KLHL3: variants seen among roughly 807,000 people sequenced by gnomAD.
KLHL3 encodes kelch-like protein 3.
KLHL3 carries 19 observed loss-of-function variants against 70.5 expected under a neutral mutation model. The observed-to-expected ratio is 0.27, with a 90% CI of 0.19 to 0.40. The LOEUF is 0.40. Among genes scored for constraint, KLHL3 ranks in the 10% least tolerant of loss-of-function variants. KLHL3 has a pLI of 1.00. For missense variants in KLHL3, 512 were observed against 771.1 expected (o/e 0.66, Z 3.98); for synonymous variants, 258 against 290.3 (o/e 0.89, Z 1.13).
At chr5:137,627,099 C>T (rs1467565672) in intron 13 of KLHL3, among the ~76,000 whole-genome samples, 2 of 151,898 alleles carry the variant, frequency 1.3e-5, no homozygotes, top group East Asian at 1.9e-4. Context: ...TCAAGTATTA[C>T]TTATAGGATA....
At chr5:137,648,566 C>G (rs1398796837) in intron 8 of KLHL3, among the ~76,000 whole-genome samples, 6 of 152,168 alleles carry the variant, frequency 3.9e-5, no homozygotes, top group Non-Finnish European at 8.8e-5. Context: ...CCATGGCAAC[C>G]CAGCCTCAGG....
chr5:137,680,377 C>G (rs1751993190), intron 5 of KLHL3, among the ~76,000 whole-genome samples: 1 of 152,086 alleles, frequency 6.6e-6, no homozygotes, highest in South Asian at 2.1e-4. Flanking sequence ...CCATAAAAGG[C>G]AATCATAATA....
chr5:137,649,316 C>T (rs544212681), intron 8 of KLHL3, among the ~76,000 whole-genome samples: 1 of 152,346 alleles, frequency 6.6e-6, no homozygotes, highest in South Asian at 2.1e-4. Flanking sequence ...AAAAACACTA[C>T]AGCTTCTGTG....
intron 8 of KLHL3, among the ~76,000 whole-genome samples, chr5:137,657,486 G>T (rs1751372555): frequency 6.6e-6 from 1 of 152,078 alleles, no homozygotes; most frequent in South Asian, 2.1e-4. Flanking sequence ...AAGACTCGCA[G>T]GGAACCAAAG....
chr5:137,661,065 T>C (rs371326890), intron 7 of KLHL3: 1 of 152,240 alleles, frequency 6.6e-6, no homozygotes, highest in African/African-American at 2.4e-5. Context: ...TAAGGTTTAT[T>C]CTCTGCTTAT....
intron 12 of KLHL3, 108 bp downstream of exon 12, chr5:137,633,929 G>A (rs1750704549): frequency 1.4e-6 from 2 of 1,408,386 alleles, no homozygotes; most frequent in African/African-American, 1.4e-5. Flanking sequence ...ATATATCCAT[G>A]TAACAAACCT....
At chr5:137,696,943 A>G (rs1752459362) in intron 4 of KLHL3, among the ~76,000 whole-genome samples, 1 of 152,180 alleles carries the variant, frequency 6.6e-6, no homozygotes, top group Non-Finnish European at 1.5e-5. Context: ...AAGGGACTCC[A>G]GGTGTAGCTC....
At chr5:137,720,314 G>T (rs1343822257) in intron 2 of KLHL3, 151 bp downstream of exon 2, 28 of 803,002 alleles carry the variant, frequency 3.5e-5, no homozygotes, top group Non-Finnish European at 4.9e-5. Flanking sequence ...AAAAAAAAAA[G>T]AGAGAAAGAA....
chr5:137,695,231 G>A (rs2967802), intron 4 of KLHL3, among the ~76,000 whole-genome samples: 120,600 of 152,166 alleles, frequency 0.79, 48,075 homozygotes, highest in East Asian at 0.98. Context: ...CTACCCACAT[G>A]GCTTTCAACT....
At chr5:137,711,760 G>A (rs945420907) in intron 2 of KLHL3, among the ~76,000 whole-genome samples, 5 of 152,122 alleles carry the variant, frequency 3.3e-5, no homozygotes, top group African/African-American at 1.2e-4. Flanking sequence ...GGCCAAATGG[G>A]ATTACAGGTG....
At chr5:137,624,569 C>T (rs1750407481) in intron 14 of KLHL3, among the ~76,000 whole-genome samples, 1 of 152,226 alleles carries the variant, frequency 6.6e-6, no homozygotes, top group Non-Finnish European at 1.5e-5. Flanking sequence ...CAAACTCCTT[C>T]AAATTTGCAC....
In KLHL3 at chr5:137,620,631, G is replaced by A. The variant is rs138008148; in HGVS notation, c.*1467C>T. 2 of 152,294 alleles carry A rather than the reference G, an allele frequency of 1.3e-5. No individual in the cohort carries two copies. The highest frequency in any genetic ancestry group is 4.8e-5 in the African/African-American group (2 of 41,554). The allele number at this position is 152,294 out of a possible 1,614,324, so 9.4% of individuals were successfully genotyped here. ...AGTTTAGGAACAGCACAACTTTAAG[G>A]TTTTTTAAATACAAATTACTCCATG... On this transcript the variant is annotated 3_prime_UTR_variant, in exon 15 of 15. Transcript: ENST00000309755.
At chr5:137,659,508 G>C (rs1176106583) in intron 7 of KLHL3, among the ~76,000 whole-genome samples, 2 of 152,202 alleles carry the variant, frequency 1.3e-5, no homozygotes, top group African/African-American at 4.8e-5. Context: ...TTCCTTGGAA[G>C]GTTTTTTTTT....
chr5:137,626,423 C>A (rs1327711416), intron 13 of KLHL3, among the ~76,000 whole-genome samples: 1 of 152,174 alleles, frequency 6.6e-6, no homozygotes, highest in African/African-American at 2.4e-5. Context: ...CCCAGGGATG[C>A]AGAACAGCTC....
At chr5:137,664,349 C>CA (rs949281962) in intron 6 of KLHL3, among the ~76,000 whole-genome samples, 27 of 125,016 alleles carry the variant, frequency 2.2e-4, no homozygotes, top group Admixed American at 1.7e-4. Flanking sequence ...GACCCTGTCT[C>CA]AAAAAAAAAA....
intron 2 of KLHL3, among the ~76,000 whole-genome samples, 170 bp downstream of exon 2, chr5:137,720,295 C>T (rs1472947155): frequency 2.0e-5 from 3 of 149,696 alleles, no homozygotes; most frequent in South Asian, 4.2e-4. Context: ...AGCAAGATTC[C>T]GTCTCAAAAA....
chr5:137,673,398 T>C (rs181542471), intron 6 of KLHL3, among the ~76,000 whole-genome samples: 158 of 152,172 alleles, frequency 1.0e-3, no homozygotes, highest in Admixed American at 4.1e-3. Context: ...GCCATCCCTA[T>C]TGAAGTTAAT....
intron 3 of KLHL3, among the ~76,000 whole-genome samples, chr5:137,699,744 C>A (rs1752527307): frequency 6.6e-6 from 1 of 152,090 alleles, no homozygotes; most frequent in African/African-American, 2.4e-5. Flanking sequence ...TAAAGGGCAA[C>A]CTAACTGCAA....
chr5:137,633,968 AAC>A lies in KLHL3; in HGVS notation c.1450+67_1450+68del, dbSNP rs1750705492. ...CATGTACCCTCTAAATCTAAAATAA[AAC>A]AAAAAAATTTAAGGACCCACTTGTG... On this transcript the variant is annotated intron_variant, in intron 12 of 14. Coordinates refer to ENST00000309755, the MANE Select transcript of KLHL3 (RefSeq NM_017415.3). The A allele has an allele frequency of 2.5e-6, 4 of 1,604,650 alleles. No homozygotes were observed. In the Admixed American group the frequency reaches 6.7e-5, roughly 27 times the overall value.
Sources: allele counts gnomAD v4.1 joint callset (sites outside exome capture counted in the v4.1 genomes callset), GRCh38; gene constraint gnomAD v4.1.1; transcripts MANE v1.5; gene names NCBI Gene and HGNC (gene_info 2026-07-23, HGNC 2026-07-21).